ST3GAL1: variants seen among roughly 807,000 people sequenced by gnomAD.
The protein encoded by ST3GAL1 is ST3 beta-galactoside alpha-2,3-sialyltransferase 1.
Under a neutral mutation model 34.1 loss-of-function variants are expected in ST3GAL1, and 16 were observed. The observed-to-expected ratio is 0.47, with a 90% CI of 0.32 to 0.71. ST3GAL1 has a LOEUF of 0.71. Ranked by LOEUF, ST3GAL1 falls within the 30% of genes least tolerant of loss-of-function variation. ST3GAL1 has a pLI of 0.04. For synonymous variants in ST3GAL1, 191 were observed against 184.7 expected (o/e 1.03, Z -0.28); for missense variants, 353 against 447.4 (o/e 0.79, Z 1.90).
intron 2 of ST3GAL1, among the ~76,000 whole-genome samples, chr8:133,518,168 T>C (rs1817698474): frequency 6.6e-6 from 1 of 152,226 alleles, no homozygotes; most frequent in African/African-American, 2.4e-5. Flanking sequence ...CAACAGATGC[T>C]GCCTGCCATC....
At chr8:133,542,113 C>G (rs62518360) in intron 2 of ST3GAL1, among the ~76,000 whole-genome samples, 2 of 116,336 alleles carry the variant, frequency 1.7e-5, no homozygotes, top group Admixed American at 8.3e-5. Flanking sequence ...ACACACACAC[C>G]CACGCACACA....
intron 2 of ST3GAL1, among the ~76,000 whole-genome samples, chr8:133,515,024 C>T (rs1817601863): frequency 6.6e-6 from 1 of 152,198 alleles, no homozygotes; most frequent in Non-Finnish European, 1.5e-5. Context: ...GCCCAGATGA[C>T]CTGCCCCTCC....
chr8:133,560,753 C>G (rs913762189), intron 1 of ST3GAL1, among the ~76,000 whole-genome samples: 5 of 152,190 alleles, frequency 3.3e-5, no homozygotes, highest in Non-Finnish European at 7.3e-5. Flanking sequence ...GGCCTGAGGT[C>G]TCAGGCTTCA....
chr8:133,540,822 TAGACATATATATAG>T (rs1269033353), intron 2 of ST3GAL1, among the ~76,000 whole-genome samples: 11 of 76,870 alleles, frequency 1.4e-4, no homozygotes, highest in African/African-American at 4.1e-4. Flanking sequence ...CATATATATA[TAGACATATATATAG>T]AGAGACATAT....
Position 133,459,801 on chromosome 8 carries a change from GC to G in ST3GAL1, c.985del (p.Ala329ProfsTer18), listed in dbSNP as rs1815427538. 1 of 1,613,520 alleles carries G rather than the reference GC, an allele frequency of 6.2e-7. No individual in the cohort carries two copies. The highest frequency in any genetic ancestry group is 1.7e-5 in the Admixed American group (1 of 59,946). ...DFESNVTATL[A>X]SINKIRIFKG... The stretch of plus-strand genomic sequence containing the variant: ...GAAGATCCGGATTTTATTGATGGAG[GC>G]CAAGGTGGCCGTCACGTTAGACTCA... On this transcript the variant is annotated frameshift_variant, in exon 10 of 10. Coordinates refer to ENST00000522652, the MANE Select transcript of ST3GAL1 (RefSeq NM_173344.3). LOFTEE classifies it high-confidence loss of function. The surrounding 1 kb of genome is among the most constrained non-coding windows in gnomAD (Gnocchi z 4.7).
chr8:133,463,451 A>G lies in ST3GAL1; in HGVS notation c.692T>C (p.Ile231Thr). The change falls in exon 8 of 10, where the codon ATC becomes ACC. Residue 231 changes from isoleucine (I) to threonine (T), a missense_variant. Physicochemically the swap from Ile to Thr is moderately conservative, Grantham distance 89. Transcript: ENST00000522652. Reference protein sequence around the residue: ...ITTGTISHTYIPVPAKIRVKQ... With the variant: ...ITTGTISHTYTPVPAKIRVKQ... ...CACTCTGATCTTTGCAGGAACCGGG[A>G]TGTAGGTGCTGCAGTTGGAGAAAGA... 6.2e-7 allele frequency: 1 copy of G among 1,613,888 alleles called. No homozygotes were observed. The highest frequency in any genetic ancestry group is 8.5e-7 in the Non-Finnish European group (1 of 1,179,954).
chr8:133,551,526 G>GAA (rs1208720081), intron 1 of ST3GAL1, among the ~76,000 whole-genome samples: 3 of 137,658 alleles, frequency 2.2e-5, no homozygotes, highest in African/African-American at 9.1e-5. Flanking sequence ...AAGAAAGAAA[G>GAA]AGAAAGAAAG....
chr8:133,498,878 G>A (rs1208423033), intron 3 of ST3GAL1, among the ~76,000 whole-genome samples: 2 of 152,200 alleles, frequency 1.3e-5, no homozygotes, highest in Non-Finnish European at 2.9e-5. Context: ...CCTGAACCCA[G>A]GTGCGCCTAA....
In ST3GAL1 at chr8:133,469,409, CG is replaced by C. The variant is rs574549723; in HGVS notation, c.307-3320del. Reference sequence around the variant, plus strand: ...AATTTTTGTATTTTTAGTAGAAACACGGTTTCACCATGTTGGCCAGGCTGGT... The same window carrying C: ...AATTTTTGTATTTTTAGTAGAAACACGTTTCACCATGTTGGCCAGGCTGGT... On this transcript the variant is annotated intron_variant, in intron 5 of 9. Coordinates refer to ENST00000522652, the MANE Select transcript of ST3GAL1 (RefSeq NM_173344.3). This position sits in a 1 kb window ranked among gnomAD's most constrained non-coding sequence, Gnocchi z 4.3. 2.3e-3 allele frequency among the ~76,000 whole-genome samples: 349 copies of C among 152,066 alleles called. 1 individual carries two copies. Among genetic ancestry groups the C allele is most frequent in the African/African-American group, 7.6e-3 (317 of 41,486 alleles).
At chr8:133,557,719 G>A (rs188242785) in intron 1 of ST3GAL1, among the ~76,000 whole-genome samples, 34 of 152,198 alleles carry the variant, frequency 2.2e-4, no homozygotes, top group Middle Eastern at 3.4e-3. Flanking sequence ...GTGGTGGCGC[G>A]TGCCTGTAAT....
At position 133,484,749 on chromosome 8, in the gene ST3GAL1, C is replaced by G. The variant is rs1023709808; in HGVS notation, c.-373-8149G>C. Among the ~76,000 whole-genome samples the G allele has an allele frequency of 3.3e-5, 5 of 152,292 alleles. No homozygotes were observed. The East Asian group carries it at 9.7e-4, about 29-fold the overall frequency. ...AGAGCTAGAGGCACCTGGTTGGAAG[C>G]CTTGCTGGGCTTTAAAAAGCCCACC... On this transcript the variant is annotated intron_variant, in intron 3 of 9. Coordinates refer to ENST00000522652, the MANE Select transcript of ST3GAL1 (RefSeq NM_173344.3).
In ST3GAL1 at chr8:133,467,765, G is replaced by T. The variant is rs1310457801; in HGVS notation, c.307-1675C>A. On this transcript the variant is annotated intron_variant, in intron 5 of 9. Coordinates refer to ENST00000522652, the MANE Select transcript of ST3GAL1 (RefSeq NM_173344.3). This position sits in a 1 kb window ranked among gnomAD's most constrained non-coding sequence, Gnocchi z 4.2. ...TGAGTGACCTGGGCATATGTAGGGA[G>T]ATCCCGGGGCACCCAGTCCCCACTG... is the stretch of plus-strand genomic sequence containing the variant. Among the ~76,000 whole-genome samples, 1 of 152,152 alleles carries T rather than the reference G, an allele frequency of 6.6e-6. No individual in the cohort carries two copies. Among genetic ancestry groups the T allele is most frequent in the Non-Finnish European group, 1.5e-5 (1 of 68,032 alleles).
rs772739003 is a variant in ST3GAL1 at position 133,556,603 on chromosome 8, A to G, written c.-581-10677T>C. ...GCATAACTATGTACTTTCGAACAAG[A>G]TTTTTAGGATGAAGAAACGAAAGAA... is the stretch of plus-strand genomic sequence containing the variant. On this transcript the variant is annotated intron_variant, in intron 1 of 9. Transcript: ENST00000522652. This position sits in a 1 kb window ranked among gnomAD's most constrained non-coding sequence, Gnocchi z 8.9. Among the ~76,000 whole-genome samples, 1 of 152,186 alleles carries G rather than the reference A, an allele frequency of 6.6e-6. No individual in the cohort carries two copies. Among genetic ancestry groups the G allele is most frequent in the African/African-American group, 2.4e-5 (1 of 41,452 alleles).
chr8:133,486,704 A>C (rs1816617255), intron 3 of ST3GAL1, among the ~76,000 whole-genome samples: 4 of 152,190 alleles, frequency 2.6e-5, no homozygotes, highest in African/African-American at 9.7e-5. Context: ...TCTCGAATGA[A>C]GCCAGCCAGC....
intron 3 of ST3GAL1, among the ~76,000 whole-genome samples, chr8:133,491,785 C>T (rs1173773134): frequency 1.3e-5 from 2 of 152,120 alleles, no homozygotes; most frequent in African/African-American, 4.8e-5. Flanking sequence ...CATGAACCAT[C>T]CCATCCCTAC....
chr8:133,524,209 A>C (rs2131032367), intron 2 of ST3GAL1, among the ~76,000 whole-genome samples: 2 of 152,350 alleles, frequency 1.3e-5, no homozygotes, highest in Admixed American at 1.3e-4. Flanking sequence ...TTAAGCTTTT[A>C]ATGAAGACTG....
intron 3 of ST3GAL1, among the ~76,000 whole-genome samples, chr8:133,481,422 G>A (rs148331261): frequency 6.6e-6 from 1 of 152,162 alleles, no homozygotes; most frequent in Admixed American, 6.5e-5. Flanking sequence ...CCTGTACTAT[G>A]AGATCACCGT....
At chr8:133,513,504 G>A (rs1428050103) in intron 2 of ST3GAL1, among the ~76,000 whole-genome samples, 1 of 152,218 alleles carries the variant, frequency 6.6e-6, no homozygotes, top group Non-Finnish European at 1.5e-5. Context: ...TGTGTACACA[G>A]TGTCCACGGC....
intron 5 of ST3GAL1, among the ~76,000 whole-genome samples, chr8:133,474,441 G>A (rs191042260): frequency 2.0e-5 from 3 of 152,226 alleles, no homozygotes; most frequent in Admixed American, 6.5e-5. Flanking sequence ...GCTCTTCTTC[G>A]ATCTATTTTG....
Sources: allele counts gnomAD v4.1 joint callset (sites outside exome capture counted in the v4.1 genomes callset), GRCh38; gene constraint gnomAD v4.1.1; non-coding constraint Gnocchi (gnomAD v3.1); transcripts MANE v1.5; gene names NCBI Gene and HGNC (gene_info 2026-07-23, HGNC 2026-07-21).